GRID2: variants seen among roughly 807,000 people sequenced by gnomAD.
GRID2 encodes the protein glutamate ionotropic receptor delta type subunit 2.
GRID2 carries 33 observed loss-of-function variants against 114.8 expected under a neutral mutation model. That is an observed-to-expected ratio of 0.29 (90% CI 0.22 to 0.38). GRID2 has a LOEUF of 0.38. Among genes scored for constraint, GRID2 ranks in the 10% least tolerant of loss-of-function variants. GRID2 has a pLI of 1.00. For missense variants in GRID2, 1,184 were observed against 1,257.7 expected, an observed-to-expected ratio of 0.94 and a Z score of 0.89; for synonymous variants, 505 against 449.9, an observed-to-expected ratio of 1.12 and a Z score of -1.55.
chr4:93,056,494 A>G (rs1235272973), intron 2 of GRID2, among the ~76,000 whole-genome samples: 2 of 151,990 alleles, frequency 1.3e-5, no homozygotes, highest in South Asian at 2.1e-4. Context: ...AAAGAGTAGC[A>G]TATCTGAAGA....
At chr4:93,216,449 T>G (rs575082025) in intron 5 of GRID2, among the ~76,000 whole-genome samples, 48 of 152,268 alleles carry the variant, frequency 3.2e-4, no homozygotes, top group Admixed American at 3.0e-3. Flanking sequence ...TTCTACAATG[T>G]TCAACATTAT....
intron 8 of GRID2, among the ~76,000 whole-genome samples, chr4:93,352,897 C>T (rs1760942125): frequency 6.6e-6 from 1 of 151,934 alleles, no homozygotes; most frequent in Non-Finnish European, 1.5e-5. Flanking sequence ...AAGACTTGAT[C>T]TCTATCAGTT....
At chr4:93,802,635 A>G (rs943546656) in intron 1 of GRID2, among the ~76,000 whole-genome samples, 4 of 152,200 alleles carry the variant, frequency 2.6e-5, no homozygotes, top group South Asian at 2.1e-4. Flanking sequence ...TGCCGTATCT[A>G]TATTGCACCT....
intron 12 of GRID2, among the ~76,000 whole-genome samples, chr4:93,506,903 A>G (rs556209575): frequency 6.6e-6 from 1 of 152,252 alleles, no homozygotes; most frequent in Admixed American, 6.5e-5. Context: ...AAGACACAGC[A>G]CTTTGGTGCT....
chr4:93,499,747 A>C (rs898568489), intron 12 of GRID2, among the ~76,000 whole-genome samples: 1 of 151,942 alleles, frequency 6.6e-6, no homozygotes, highest in Non-Finnish European at 1.5e-5. Flanking sequence ...AGTATGAATA[A>C]GAGCAGCTAA....
At chr4:93,711,199 C>T (rs112367841) in intron 14 of GRID2, among the ~76,000 whole-genome samples, 2,926 of 152,206 alleles carry the variant, frequency 0.019, 50 homozygotes, top group South Asian at 0.03. Context: ...AAAGCCAGCA[C>T]GGTACTGGGT....
chr4:93,370,230 TCTGTCTAG>T (rs1305342336), intron 8 of GRID2, among the ~76,000 whole-genome samples: 1 of 152,112 alleles, frequency 6.6e-6, no homozygotes, highest in Non-Finnish European at 1.5e-5. Flanking sequence ...TACTTAAAAA[TCTGTCTAG>T]CTTTCAGATA....
intron 1 of GRID2, among the ~76,000 whole-genome samples, chr4:93,806,250 C>T (rs982525458): frequency 1.3e-5 from 2 of 152,082 alleles, no homozygotes; most frequent in Non-Finnish European, 2.9e-5. Context: ...GGTCTGGAAC[C>T]AATAACTAAA....
intron 8 of GRID2, among the ~76,000 whole-genome samples, chr4:93,257,516 T>G (rs1412737793): frequency 6.6e-6 from 1 of 151,692 alleles, no homozygotes; most frequent in Non-Finnish European, 1.5e-5. Context: ...TTTACAAATA[T>G]TGAGATTGTT....
At chr4:93,373,573 G>A (rs920040016) in intron 8 of GRID2, among the ~76,000 whole-genome samples, 4 of 152,066 alleles carry the variant, frequency 2.6e-5, no homozygotes, top group Admixed American at 2.0e-4. Context: ...TAAAATTAAT[G>A]TATCATGTTT....
chr4:92,892,528 G>T (rs1746865075), intron 2 of GRID2, among the ~76,000 whole-genome samples: 1 of 152,140 alleles, frequency 6.6e-6, no homozygotes, highest in South Asian at 2.1e-4. Flanking sequence ...ATTATTATGT[G>T]TGAGAATAAA....
At chr4:93,705,848 A>T (rs1193476170) in intron 14 of GRID2, among the ~76,000 whole-genome samples, 1 of 152,090 alleles carries the variant, frequency 6.6e-6, no homozygotes, top group Non-Finnish European at 1.5e-5. Context: ...TTTTGATTCG[A>T]ATTTTGCATA....
At chr4:92,488,913 G>T (rs765559149) in intron 1 of GRID2, among the ~76,000 whole-genome samples, 10 of 152,174 alleles carry the variant, frequency 6.6e-5, no homozygotes, top group Non-Finnish European at 1.5e-4. Flanking sequence ...CTCTGTGCTT[G>T]TCTGAAACTG....
intron 4 of GRID2, among the ~76,000 whole-genome samples, chr4:93,169,518 T>C (rs916938983): frequency 3.3e-5 from 5 of 152,180 alleles, no homozygotes; most frequent in Non-Finnish European, 5.9e-5. Flanking sequence ...GAAGCAGATA[T>C]AGTCAATATA....
At chr4:92,952,345 C>A (rs1337482510) in intron 2 of GRID2, among the ~76,000 whole-genome samples, 1 of 152,106 alleles carries the variant, frequency 6.6e-6, no homozygotes, top group Non-Finnish European at 1.5e-5. Context: ...TTTTATCAAT[C>A]GTAGACGACC....
chr4:92,802,337 T>C (rs1235010463), intron 2 of GRID2, among the ~76,000 whole-genome samples: 1 of 151,950 alleles, frequency 6.6e-6, no homozygotes, highest in Non-Finnish European at 1.5e-5. Flanking sequence ...GGTTCACTCA[T>C]GGTTTTATAC....
chr4:92,446,136 G>A (rs1192174979), intron 1 of GRID2, among the ~76,000 whole-genome samples: 1 of 152,038 alleles, frequency 6.6e-6, no homozygotes, highest in African/African-American at 2.4e-5. Flanking sequence ...TAGTAGAGAC[G>A]GGGTTTCACT....
intron 8 of GRID2, among the ~76,000 whole-genome samples, chr4:93,292,021 G>A (rs1221825066): frequency 6.6e-6 from 1 of 152,016 alleles, no homozygotes; most frequent in African/African-American, 2.4e-5. Flanking sequence ...GGTTGAAATG[G>A]GGCCAAGAGA....
chr4:92,920,993 C>T (rs112910109), intron 2 of GRID2, among the ~76,000 whole-genome samples: 2,667 of 152,192 alleles, frequency 0.018, 31 homozygotes, highest in East Asian at 0.054. Context: ...ACCAATCAGA[C>T]GTAGATTTGG....
Sources: allele counts gnomAD v4.1 joint callset (sites outside exome capture counted in the v4.1 genomes callset), GRCh38; gene constraint gnomAD v4.1.1; transcripts MANE v1.5; gene names NCBI Gene and HGNC (gene_info 2026-07-23, HGNC 2026-07-21).